Variants in RELN observed in about 807,000 individuals in gnomAD.
RELN encodes reelin.
RELN carries 108 observed loss-of-function variants against 427.6 expected under a neutral mutation model. That is an observed-to-expected ratio of 0.25 (90% CI 0.22 to 0.30). RELN has a LOEUF of 0.30. Ranked by LOEUF, RELN falls within the 10% of genes least tolerant of loss-of-function variation. RELN has a pLI of 1.00. For missense variants in RELN, 3,715 were observed against 4,302.8 expected (o/e 0.86, Z 3.82); for synonymous variants, 1,524 against 1,513.4 (o/e 1.01, Z -0.16).
rs1253457863 is a variant in RELN, at chr7:103,640,718, A to C, written c.2003-109T>G. The stretch of plus-strand genomic sequence containing the variant: ...GGCCCCTTGTGTGTATGTTGTGTGC[A>C]GGAACCCAGGGTGACATATGGAATG... On this transcript the variant is annotated intron_variant, in intron 16 of 64. Transcript: ENST00000428762. This position sits in a 1 kb window ranked among gnomAD's most constrained non-coding sequence, Gnocchi z 4.1. 2 of 1,089,732 alleles carry C rather than the reference A, an allele frequency of 1.8e-6. No homozygotes were observed. The highest frequency in any genetic ancestry group is 1.4e-6 in the Non-Finnish European group (1 of 731,524). The allele number at this position is 1,089,732 out of a possible 1,614,324, so 67.5% of individuals were successfully genotyped here.
chr7:103,920,148 T>A (rs1412582231), intron 1 of RELN, among the ~76,000 whole-genome samples: 1 of 152,162 alleles, frequency 6.6e-6, no homozygotes, highest in Non-Finnish European at 1.5e-5. Context: ...TGATTCAGAA[T>A]GTTATGGTTC....
At chr7:103,949,532 T>G (rs1796292020) in intron 1 of RELN, among the ~76,000 whole-genome samples, 1 of 151,974 alleles carries the variant, frequency 6.6e-6, no homozygotes, top group South Asian at 2.1e-4. Context: ...TCTCTCTCTC[T>G]TCCCCGCCCC....
At chr7:103,661,596 T>C (rs1306184874) in intron 11 of RELN, 69 bp from the exon 12 acceptor site, 1 of 1,404,282 alleles carries the variant, frequency 7.1e-7, no homozygotes, top group Non-Finnish European at 1.0e-6. Flanking sequence ...GAATAACATT[T>C]AGTTTTTAGT....
intron 10 of RELN, among the ~76,000 whole-genome samples, chr7:103,689,351 C>G (rs1252822992): frequency 2.0e-5 from 3 of 152,062 alleles, no homozygotes; most frequent in Non-Finnish European, 4.4e-5. Flanking sequence ...TCATAGTGAT[C>G]TGCGTTTAAT....
intron 34 of RELN, 30 bp from the exon 35 acceptor site, chr7:103,561,983 C>T: frequency 6.4e-7 from 1 of 1,561,840 alleles, no homozygotes; most frequent in East Asian, 2.3e-5. Context: ...AAAAAACACA[C>T]CACTGGTTTG....
chr7:103,490,941 T>G, intron 58 of RELN, 112 bp from the exon 59 acceptor site: 1 of 991,724 alleles, frequency 1.0e-6, no homozygotes, highest in Non-Finnish European at 1.5e-6. Flanking sequence ...TATAGGAGTT[T>G]CCTGTTTTCT....
intron 2 of RELN, among the ~76,000 whole-genome samples, chr7:103,833,925 A>C (rs1335231003): frequency 6.6e-6 from 1 of 152,022 alleles, no homozygotes; most frequent in Non-Finnish European, 1.5e-5. Context: ...TGATTGATTG[A>C]TCTTTGCCTA....
At chr7:103,858,012 T>C (rs968967218) in intron 2 of RELN, among the ~76,000 whole-genome samples, 5 of 152,162 alleles carry the variant, frequency 3.3e-5, no homozygotes, top group Non-Finnish European at 7.4e-5. Flanking sequence ...GTTTCTTTTT[T>C]TTTGAAATCT....
At chr7:103,541,980 T>C (rs1157943917) in intron 43 of RELN, among the ~76,000 whole-genome samples, 1 of 152,202 alleles carries the variant, frequency 6.6e-6, no homozygotes, top group Admixed American at 6.5e-5. Flanking sequence ...TACTCTGAAA[T>C]ATCTCAAAAG....
chr7:103,758,991 G>T (rs568605592), intron 4 of RELN, among the ~76,000 whole-genome samples: 33 of 152,070 alleles, frequency 2.2e-4, no homozygotes, highest in Admixed American at 7.2e-4. Context: ...ATTTTACTAA[G>T]ATTTCACAGA....
intron 1 of RELN, among the ~76,000 whole-genome samples, chr7:103,920,011 A>G (rs1795577446): frequency 6.6e-6 from 1 of 152,176 alleles, no homozygotes; most frequent in African/African-American, 2.4e-5. Flanking sequence ...GCTGTCTACT[A>G]TTTAAAATAA....
At chr7:103,531,104 T>A (rs1829928436) in intron 46 of RELN, among the ~76,000 whole-genome samples, 1 of 152,226 alleles carries the variant, frequency 6.6e-6, no homozygotes, top group Non-Finnish European at 1.5e-5. Context: ...GGTTAACTCA[T>A]AAAAGTAGAA....
intron 51 of RELN, among the ~76,000 whole-genome samples, chr7:103,505,404 T>C (rs1234028365): frequency 6.6e-6 from 1 of 152,180 alleles, no homozygotes; most frequent in Non-Finnish European, 1.5e-5. Context: ...CTGTAGCCTC[T>C]GTTGGTGATA....
chr7:103,502,835 G>A (rs1468600787), intron 52 of RELN, among the ~76,000 whole-genome samples, 181 bp downstream of exon 52: 1 of 152,144 alleles, frequency 6.6e-6, no homozygotes, highest in Non-Finnish European at 1.5e-5. Flanking sequence ...ACAAATTGAG[G>A]TCTGAAGTTA....
chr7:103,496,882 A>G, intron 55 of RELN, 114 bp from the exon 56 acceptor site: 3 of 1,200,238 alleles, frequency 2.5e-6, no homozygotes, highest in Non-Finnish European at 2.4e-6. Context: ...CAGCCAGGAA[A>G]TGACAACTGA....
intron 34 of RELN, among the ~76,000 whole-genome samples, chr7:103,564,410 T>G (rs1830702576): frequency 6.6e-6 from 1 of 152,058 alleles, no homozygotes; most frequent in Admixed American, 6.6e-5. Flanking sequence ...TTTAGCAAAG[T>G]CAGGAAGCCA....
rs756603701 is a variant in RELN, at chr7:103,519,419, T to C, written c.7766A>G (p.Asn2589Ser). ...TTCCAAGAGAACACCTTGGTTACGGTTGTTTGGTGTAATCAGGCACCCATA... is the reference window on the plus strand; with the variant it reads ...TTCCAAGAGAACACCTTGGTTACGGCTGTTTGGTGTAATCAGGCACCCATA... Reference protein sequence around the residue: ...FMYGCLITPNNRNQGVLLEYS... With the variant: ...FMYGCLITPNSRNQGVLLEYS... The change falls in exon 49 of 65, where the codon AAC becomes AGC. Residue 2589 changes from asparagine (N) to serine (S), a missense_variant. Around this residue, in one of 4 missense-constraint regions of RELN, gnomAD observed 1,310 missense variants for 1,643.0 expected, o/e 0.80. Coordinates refer to ENST00000428762, the MANE Select transcript of RELN (RefSeq NM_005045.4). The C allele has an allele frequency of 1.2e-6, 2 of 1,613,540 alleles. No homozygotes were observed. The highest frequency in any genetic ancestry group is 4.5e-5 in the East Asian group (2 of 44,898).
intron 4 of RELN, among the ~76,000 whole-genome samples, chr7:103,774,448 C>A (rs1234561176): frequency 3.3e-5 from 5 of 152,020 alleles, no homozygotes; most frequent in African/African-American, 1.2e-4. Flanking sequence ...TAAGAGATAT[C>A]CTCAGGATCC....
At chr7:103,616,101 A>G (rs1832072802) in intron 20 of RELN, among the ~76,000 whole-genome samples, 1 of 152,326 alleles carries the variant, frequency 6.6e-6, no homozygotes, top group South Asian at 2.1e-4. Context: ...ATATAAGTCA[A>G]TATGGATGAA....
Sources: allele counts gnomAD v4.1 joint callset (sites outside exome capture counted in the v4.1 genomes callset), GRCh38; gene constraint gnomAD v4.1.1; regional missense constraint gnomAD v4.1.1; non-coding constraint Gnocchi (gnomAD v3.1); transcripts MANE v1.5; gene names NCBI Gene and HGNC (gene_info 2026-07-23, HGNC 2026-07-21).